Variants in GREB1L observed in about 807,000 individuals in gnomAD.
The protein encoded by GREB1L is GREB1-like protein.
In GREB1L, 17 loss-of-function variants were observed where a neutral mutation model predicts 200.8. That is an observed-to-expected ratio of 0.08 (90% CI 0.06 to 0.13). GREB1L has a LOEUF of 0.13. Among genes scored for constraint, GREB1L ranks in the 10% least tolerant of loss-of-function variants. The pLI is 1.00. For missense variants in GREB1L, 1,657 were observed against 2,367.7 expected, an observed-to-expected ratio of 0.70 and a Z score of 6.23; for synonymous variants, 789 against 893.0, an observed-to-expected ratio of 0.88 and a Z score of 2.08.
intron 18 of GREB1L, among the ~76,000 whole-genome samples, chr18:21,486,435 T>C (rs1358216627): frequency 1.3e-5 from 2 of 152,076 alleles, no homozygotes; most frequent in African/African-American, 2.4e-5. Flanking sequence ...TTTTCCCTCT[T>C]TTCTCCCCTG....
chr18:21,398,055 T>C (rs2144444072), intron 5 of GREB1L, among the ~76,000 whole-genome samples: 1 of 152,312 alleles, frequency 6.6e-6, no homozygotes, highest in African/African-American at 2.4e-5. Flanking sequence ...AAATCTCTCA[T>C]AATGCATTTT....
chr18:21,315,214 C>T (rs1480454809), intron 1 of GREB1L, among the ~76,000 whole-genome samples: 2 of 152,066 alleles, frequency 1.3e-5, no homozygotes, highest in Non-Finnish European at 2.9e-5. Flanking sequence ...TTCAGTCTCC[C>T]AAGTAGCTGG....
intron 21 of GREB1L, among the ~76,000 whole-genome samples, chr18:21,499,484 G>A (rs2036685421): frequency 6.6e-6 from 1 of 152,150 alleles, no homozygotes; most frequent in Non-Finnish European, 1.5e-5. Context: ...ACCATGCAGG[G>A]GGAAGCCACA....
chr18:21,280,609 A>G (rs2038252854), intron 1 of GREB1L, among the ~76,000 whole-genome samples: 1 of 152,042 alleles, frequency 6.6e-6, no homozygotes, highest in Non-Finnish European at 1.5e-5. Flanking sequence ...TAATACATAT[A>G]TTGTCTTCTC....
chr18:21,345,762 C>T (rs926125728), intron 1 of GREB1L, among the ~76,000 whole-genome samples: 4 of 151,568 alleles, frequency 2.6e-5, no homozygotes, highest in African/African-American at 9.7e-5. Flanking sequence ...ATCCCAGCTA[C>T]TCAGGAAGCT....
chr18:21,514,370 C>T (rs2037344048), intron 28 of GREB1L, among the ~76,000 whole-genome samples: 1 of 152,176 alleles, frequency 6.6e-6, no homozygotes, highest in Non-Finnish European at 1.5e-5. Flanking sequence ...CAAAAATTAG[C>T]TGAGCGTGGT....
At chr18:21,521,627 G>A (rs1315959450) in intron 32 of GREB1L, among the ~76,000 whole-genome samples, 1 of 152,086 alleles carries the variant, frequency 6.6e-6, no homozygotes. Context: ...ACTTCTGATT[G>A]TCGCACTGGA....
At chr18:21,366,575 T>C (rs2039686912) in intron 2 of GREB1L, among the ~76,000 whole-genome samples, 1 of 151,642 alleles carries the variant, frequency 6.6e-6, no homozygotes, top group Admixed American at 6.6e-5. Flanking sequence ...TTTTTTTCTA[T>C]TTTAGGAGGC....
chr18:21,295,824 G>A (rs566184203), intron 1 of GREB1L, among the ~76,000 whole-genome samples: 83 of 152,336 alleles, frequency 5.4e-4, no homozygotes, highest in African/African-American at 1.9e-3. Flanking sequence ...GAGGGAAAGA[G>A]TAGAATGGTT....
intron 15 of GREB1L, chr18:21,468,852 G>A: frequency 4.6e-6 from 2 of 436,874 alleles, no homozygotes; most frequent in Non-Finnish European, 9.2e-6. Flanking sequence ...GTTTTGTGTA[G>A]GGAATGTTTG....
At chr18:21,436,822 C>T (rs1420327811) in intron 7 of GREB1L, among the ~76,000 whole-genome samples, 2 of 151,650 alleles carry the variant, frequency 1.3e-5, no homozygotes, top group East Asian at 4.0e-4. Context: ...GCAACCCTCC[C>T]ACCTCAGCCT....
At chr18:21,401,048 AT>A in intron 5 of GREB1L, 101 bp from the exon 6 acceptor site, 3 of 935,904 alleles carry the variant, frequency 3.2e-6, no homozygotes, top group African/African-American at 1.7e-5. Flanking sequence ...AGATTGAGAC[AT>A]TTTTGGGTCA....
intron 1 of GREB1L, among the ~76,000 whole-genome samples, chr18:21,337,642 G>A (rs2039205523): frequency 6.6e-6 from 1 of 152,212 alleles, no homozygotes; most frequent in Non-Finnish European, 1.5e-5. Flanking sequence ...TAGAAGCACA[G>A]AGCAGTCAAC....
At position 21,499,818 on chromosome 18, in the gene GREB1L, A is replaced by G. The variant is rs771818975; in HGVS notation, c.3481A>G (p.Thr1161Ala). 111 of 1,551,620 alleles carry G rather than the reference A, an allele frequency of 7.2e-5. No homozygotes were observed. The highest frequency in any genetic ancestry group is 9.1e-5 in the Non-Finnish European group (104 of 1,146,908). Residue 1161 changes from threonine (T) to alanine (A), a missense_variant, in exon 22 of 33, where the codon ACC (threonine) becomes GCC (alanine). Thr to Ala is a moderately conservative substitution (Grantham distance 58). Coordinates refer to ENST00000424526, the MANE Select transcript of GREB1L (RefSeq NM_001142966.3). ...SLTPSFQSPATSLGLDEGVSA... is the reference protein window; with the variant it reads ...SLTPSFQSPAASLGLDEGVSA... ...GACCCCCAGCTTTCAGAGCCCAGCC[A>G]CCAGCTTGGGGCTGGATGAAGGGGT... is the stretch of plus-strand genomic sequence containing the variant.
At chr18:21,410,012 C>T (rs1265441456) in intron 7 of GREB1L, among the ~76,000 whole-genome samples, 1 of 152,048 alleles carries the variant, frequency 6.6e-6, no homozygotes. Flanking sequence ...TATTTGAATT[C>T]TGTTTTTATT....
At chr18:21,281,336 C>G (rs1011605774) in intron 1 of GREB1L, among the ~76,000 whole-genome samples, 6 of 152,148 alleles carry the variant, frequency 3.9e-5, no homozygotes, top group African/African-American at 1.4e-4. Context: ...ATTGCCTGTC[C>G]ATTTGCTTTC....
chr18:21,292,250 C>A (rs144663605), intron 1 of GREB1L, among the ~76,000 whole-genome samples: 1 of 152,302 alleles, frequency 6.6e-6, no homozygotes, highest in East Asian at 1.9e-4. Flanking sequence ...GGCTGATCTT[C>A]CTTGATGCAC....
intron 1 of GREB1L, among the ~76,000 whole-genome samples, chr18:21,359,458 AT>A (rs1355523069): frequency 7.2e-5 from 11 of 152,236 alleles, no homozygotes; most frequent in African/African-American, 2.2e-4. Flanking sequence ...TCAAAAAAAA[AT>A]AAATAAATAA....
At chr18:21,417,648 G>A (rs1402330572) in intron 7 of GREB1L, among the ~76,000 whole-genome samples, 2 of 152,126 alleles carry the variant, frequency 1.3e-5, no homozygotes, top group African/African-American at 4.8e-5. Flanking sequence ...CATTCAGATA[G>A]ATGGACTTGA....
Sources: gnomAD v4.1 joint callset for allele counts (sites outside exome capture counted in the v4.1 genomes callset) on GRCh38, gnomAD v4.1.1 for gene constraint, MANE v1.5 for transcripts, NCBI Gene and HGNC (gene_info 2026-07-23, HGNC 2026-07-21) for gene names.